CPPED1: variants seen among roughly 807,000 people sequenced by gnomAD.
CPPED1 encodes serine/threonine-protein phosphatase CPPED1.
A neutral mutation model predicts 28.0 loss-of-function variants in CPPED1; 28 were observed. The ratio of observed to expected loss-of-function variants is 1.00; its 90% confidence interval spans 0.74 to 1.37. CPPED1 has a LOEUF of 1.37. Among genes scored for constraint, CPPED1 ranks in the 40% most tolerant of loss-of-function variants. The pLI, the probability that CPPED1 is intolerant of heterozygous loss-of-function variation, is 0.00. For synonymous variants in CPPED1, 198 were observed against 180.2 expected, an observed-to-expected ratio of 1.10 and a Z score of -0.79; for missense variants, 504 against 416.5, an observed-to-expected ratio of 1.21 and a Z score of -1.83.
Position 12,664,604 on chromosome 16 carries a change from AAC to A in CPPED1, c.*280_*281del. The A allele has an allele frequency of 1.6e-6, 2 of 1,223,470 alleles. No homozygotes were observed. Among genetic ancestry groups the A allele is most frequent in the Non-Finnish European group, 2.0e-6 (2 of 981,336 alleles). 75.8% of individuals were successfully genotyped at this position (1,223,470 alleles called of 1,614,324 possible). A position where few individuals can be genotyped will look rare whatever the true frequency, so the allele number is the denominator to read the frequency against. On this transcript the variant is annotated 3_prime_UTR_variant, in exon 4 of 4. Coordinates refer to ENST00000381774, the MANE Select transcript of CPPED1 (RefSeq NM_018340.3). The surrounding 1 kb of genome is among the most constrained non-coding windows in gnomAD (Gnocchi z 4.2). ...ATCCAATTCAAAAGTGGAGTTGAGA[AAC>A]ACAGCATTAGGAGAATTTATTCAAA...
At chr16:12,762,731 C>T (rs73506393) in intron 2 of CPPED1, among the ~76,000 whole-genome samples, 18,249 of 152,000 alleles carry the variant, frequency 0.12, 3,503 homozygotes, top group African/African-American at 0.4. Flanking sequence ...GAGTTTCTTT[C>T]TGGGTTGATA....
chr16:12,773,742 A>G (rs1338609647), intron 2 of CPPED1, among the ~76,000 whole-genome samples: 1 of 152,142 alleles, frequency 6.6e-6, no homozygotes, highest in African/African-American at 2.4e-5. Flanking sequence ...AAATACATAA[A>G]AATACACAAA....
intron 2 of CPPED1, among the ~76,000 whole-genome samples, chr16:12,778,877 C>A (rs2080513428): frequency 6.6e-6 from 1 of 152,212 alleles, no homozygotes; most frequent in Non-Finnish European, 1.5e-5. Context: ...ACAAATTATA[C>A]ATTCTGCTTG....
chr16:12,704,578 C>G, intron 3 of CPPED1, 46 bp downstream of exon 3: 1 of 1,560,242 alleles, frequency 6.4e-7, no homozygotes, highest in Non-Finnish European at 8.7e-7. Context: ...AATGCCCTCT[C>G]TAGACTTGTC....
intron 2 of CPPED1, among the ~76,000 whole-genome samples, chr16:12,732,214 C>T (rs529538702): frequency 7.1e-6 from 1 of 141,476 alleles, no homozygotes; most frequent in Non-Finnish European, 1.5e-5. Context: ...TTACAGGATG[C>T]TATTTTGAAA....
At chr16:12,764,884 C>T (rs1282873817) in intron 2 of CPPED1, among the ~76,000 whole-genome samples, 2 of 152,178 alleles carry the variant, frequency 1.3e-5, no homozygotes, top group Non-Finnish European at 2.9e-5. Flanking sequence ...GGCAGATCCC[C>T]TCGGTTCCCA....
intron 2 of CPPED1, 77 bp from the exon 3 acceptor site, chr16:12,705,126 CAT>C: frequency 7.1e-7 from 1 of 1,412,382 alleles, no homozygotes; most frequent in Non-Finnish European, 9.5e-7. Flanking sequence ...TACTTACTAA[CAT>C]AAAATTTAAA....
chr16:12,755,695 G>A (rs947283195), intron 2 of CPPED1, among the ~76,000 whole-genome samples: 1 of 152,150 alleles, frequency 6.6e-6, no homozygotes, highest in Non-Finnish European at 1.5e-5. Context: ...TTACTCATTT[G>A]CTTCATCATA....
At chr16:12,797,896 A>G (rs2080637036) in intron 1 of CPPED1, among the ~76,000 whole-genome samples, 1 of 151,978 alleles carries the variant, frequency 6.6e-6, no homozygotes, top group East Asian at 1.9e-4. Context: ...CCTGGACAAC[A>G]CAGTAAGACC....
At chr16:12,726,889 G>A (rs914461599) in intron 2 of CPPED1, among the ~76,000 whole-genome samples, 5 of 152,124 alleles carry the variant, frequency 3.3e-5, no homozygotes, top group African/African-American at 4.8e-5. Context: ...GAAAAAAATG[G>A]TGTTAGTGTA....
intron 3 of CPPED1, among the ~76,000 whole-genome samples, chr16:12,698,981 A>G (rs2080006458): frequency 6.6e-6 from 1 of 152,190 alleles, no homozygotes; most frequent in African/African-American, 2.4e-5. Flanking sequence ...CAAGGGAAAC[A>G]TGGTCAGTTA....
At position 12,682,938 on chromosome 16, in the gene CPPED1, A is replaced by G. The variant is rs1056456635; in HGVS notation, c.716-17823T>C. On this transcript the variant is annotated intron_variant, in intron 3 of 3. Coordinates refer to ENST00000381774, the MANE Select transcript of CPPED1 (RefSeq NM_018340.3). The surrounding 1 kb of genome is among the most constrained non-coding windows in gnomAD (Gnocchi z 6.1). ...CTATCTTAAACACAGCTGTCAGGAC[A>G]AGAGGCTCATTAAAAAGATTGTTTT... Among the ~76,000 whole-genome samples the G allele has an allele frequency of 5.3e-5, 8 of 152,256 alleles. No individual in the cohort carries two copies. The highest frequency in any genetic ancestry group is 1.7e-4 in the African/African-American group (7 of 41,468).
intron 3 of CPPED1, among the ~76,000 whole-genome samples, chr16:12,673,498 ATTTATG>A (rs2079862809): frequency 6.6e-6 from 1 of 152,304 alleles, no homozygotes; most frequent in South Asian, 2.1e-4. Context: ...GTAAAAACTC[ATTTATG>A]TTTAAGTTTC....
intron 3 of CPPED1, among the ~76,000 whole-genome samples, chr16:12,694,733 G>C (rs1037872873): frequency 2.5e-5 from 2 of 80,080 alleles, no homozygotes; most frequent in African/African-American, 1.2e-4. Flanking sequence ...AAAAAAGGTG[G>C]GGGGGGGGGC....
At chr16:12,740,228 C>G (rs2141210527) in intron 2 of CPPED1, among the ~76,000 whole-genome samples, 1 of 152,018 alleles carries the variant, frequency 6.6e-6, no homozygotes, top group East Asian at 1.9e-4. Flanking sequence ...GGGCGGGTAC[C>G]TGAGGTCAGG....
chr16:12,782,375 C>A (rs1247253019), intron 1 of CPPED1, among the ~76,000 whole-genome samples: 1 of 152,152 alleles, frequency 6.6e-6, no homozygotes, highest in Non-Finnish European at 1.5e-5. Context: ...TCTGGAACTT[C>A]CAATGCCAGA....
intron 3 of CPPED1, among the ~76,000 whole-genome samples, chr16:12,701,933 T>C (rs539943329): frequency 1.3e-5 from 2 of 151,916 alleles, no homozygotes; most frequent in African/African-American, 4.9e-5. Flanking sequence ...CTAACCCCCC[T>C]GTTTTCTCAT....
chr16:12,798,860 A>G (rs899816918), intron 1 of CPPED1, among the ~76,000 whole-genome samples: 3 of 152,234 alleles, frequency 2.0e-5, no homozygotes, highest in South Asian at 2.1e-4. Flanking sequence ...CCTAATTAAA[A>G]TGAATATCTG....
At chr16:12,725,196 T>A (rs1432569388) in intron 2 of CPPED1, among the ~76,000 whole-genome samples, 1 of 150,346 alleles carries the variant, frequency 6.7e-6, no homozygotes, top group Non-Finnish European at 1.5e-5. Context: ...CAGGTTCAAG[T>A]GATTCTCGTG....
Sources: gnomAD v4.1 joint callset for allele counts (sites outside exome capture counted in the v4.1 genomes callset) on GRCh38, gnomAD v4.1.1 for gene constraint, Gnocchi (gnomAD v3.1) non-coding constraint, MANE v1.5 for transcripts, NCBI Gene and HGNC (gene_info 2026-07-23, HGNC 2026-07-21) for gene names.